The following ASTN2 variants were observed in gnomAD, a reference collection of about 807,000 sequenced individuals.
ASTN2 encodes the protein astrotactin-2.
In ASTN2, 54 loss-of-function variants were observed where a neutral mutation model predicts 139.8. The ratio of observed to expected loss-of-function variants is 0.39; its 90% CI spans 0.31 to 0.48. The LOEUF is 0.48. ASTN2 is among the 20% of genes least tolerant of loss of function. The probability of loss-of-function intolerance (pLI) is 0.95; values close to 1 mark genes in which losing one functional copy is unlikely to be tolerated. For missense variants in ASTN2, 1,565 were observed against 1,725.1 expected, an observed-to-expected ratio of 0.91 and a Z score of 1.64; for synonymous variants, 756 against 719.5, an observed-to-expected ratio of 1.05 and a Z score of -0.81.
At chr9:116,494,234 CTA>C (rs1414463794) in intron 19 of ASTN2, among the ~76,000 whole-genome samples, 1 of 152,010 alleles carries the variant, frequency 6.6e-6, no homozygotes, top group Non-Finnish European at 1.5e-5. Flanking sequence ...CACTTATGAA[CTA>C]TATTATGTAG....
intron 10 of ASTN2, among the ~76,000 whole-genome samples, chr9:116,869,732 A>G (rs565718626): frequency 3.3e-5 from 5 of 152,280 alleles, no homozygotes; most frequent in Non-Finnish European, 2.9e-5. Flanking sequence ...CTCTGTCCCA[A>G]TCACTCAACT....
chr9:117,170,951 C>T (rs896693876), intron 3 of ASTN2, among the ~76,000 whole-genome samples: 3 of 152,074 alleles, frequency 2.0e-5, no homozygotes, highest in Admixed American at 6.5e-5. Context: ...TGTTCTGCCC[C>T]TTCTTTATGT....
chr9:116,799,719 A>C, intron 13 of ASTN2, among the ~76,000 whole-genome samples: 1 of 144,062 alleles, frequency 6.9e-6, no homozygotes, highest in South Asian at 2.2e-4. Context: ...GGGGGGGGAG[A>C]ATAAAAAACA....
chr9:116,522,055 A>G (rs1412088062), intron 19 of ASTN2, among the ~76,000 whole-genome samples: 1 of 152,212 alleles, frequency 6.6e-6, no homozygotes, highest in African/African-American at 2.4e-5. Flanking sequence ...ACACTTTTAC[A>G]TTGTTGGTGG....
At chr9:116,803,500 A>ATC (rs1830930453) in intron 13 of ASTN2, among the ~76,000 whole-genome samples, 1 of 14,262 alleles carries the variant, frequency 7.0e-5, no homozygotes, top group Non-Finnish European at 1.4e-4. Context: ...ATATATATAT[A>ATC]TATATATATA....
chr9:116,540,323 T>C (rs911102759), intron 19 of ASTN2: 6 of 152,158 alleles, frequency 3.9e-5, no homozygotes, highest in African/African-American at 7.2e-5. Flanking sequence ...ATCATACCCA[T>C]CTAAATTTAT....
chr9:116,470,359 T>C (rs1053020472), intron 20 of ASTN2, among the ~76,000 whole-genome samples: 2 of 152,178 alleles, frequency 1.3e-5, no homozygotes, highest in African/African-American at 4.8e-5. Context: ...TAAATGCTAA[T>C]GTGACTTCTG....
intron 16 of ASTN2, among the ~76,000 whole-genome samples, chr9:116,691,781 G>A (rs1287050776): frequency 6.6e-6 from 1 of 152,202 alleles, no homozygotes; most frequent in Non-Finnish European, 1.5e-5. Context: ...TCCTGCTAAC[G>A]AGTGGCCTTT....
intron 1 of ASTN2, among the ~76,000 whole-genome samples, chr9:117,306,591 C>T (rs185618489): frequency 5.5e-4 from 84 of 152,264 alleles, no homozygotes; most frequent in African/African-American, 1.9e-3. Flanking sequence ...CTAAAGAATG[C>T]TGTTAGTAAA....
chr9:116,986,669 A>G (rs1210209189), intron 7 of ASTN2, among the ~76,000 whole-genome samples: 1 of 152,208 alleles, frequency 6.6e-6, no homozygotes, highest in Non-Finnish European at 1.5e-5. Flanking sequence ...GGGCTCTATT[A>G]CTAACCCCAT....
At chr9:117,375,976 T>C (rs1466305401) in intron 1 of ASTN2, among the ~76,000 whole-genome samples, 2 of 152,144 alleles carry the variant, frequency 1.3e-5, no homozygotes, top group South Asian at 2.1e-4. Context: ...CCTCGATGAG[T>C]CTAATGCCAC....
intron 6 of ASTN2, among the ~76,000 whole-genome samples, chr9:117,019,636 G>C (rs1304296676): frequency 6.6e-6 from 1 of 152,058 alleles, no homozygotes; most frequent in Non-Finnish European, 1.5e-5. Context: ...GGATCAAATA[G>C]GACCCAGGGT....
At chr9:117,135,068 C>A (rs886268202) in intron 4 of ASTN2, among the ~76,000 whole-genome samples, 4 of 152,222 alleles carry the variant, frequency 2.6e-5, no homozygotes, top group Admixed American at 2.6e-4. Flanking sequence ...ACTGATGACA[C>A]AGAAACACTG....
In ASTN2 at chr9:117,414,882, C is replaced by G; in HGVS notation, c.57G>C (p.Arg19=). ...SPGPGSGLRG[R]PRLCFHPGPP... ...GCCCCGGGTGGAAGCAGAGCCTCGG[C>G]CGCCCCCGGAGCCCCGAGCCGGGGC... Residue 19 remains arginine (R), a synonymous_variant, in exon 1 of 23, where the codon CGG becomes CGC. Transcript: ENST00000313400. The surrounding 1 kb of genome is among the most constrained non-coding windows in gnomAD (Gnocchi z 4.2). 2 of 909,652 alleles carry G rather than the reference C, an allele frequency of 2.2e-6. No individual in the cohort carries two copies. Among genetic ancestry groups the G allele is most frequent in the Non-Finnish European group, 2.8e-6 (2 of 724,774 alleles). 56.3% of individuals were successfully genotyped at this position (909,652 alleles called of 1,614,324 possible).
chr9:116,616,813 C>T (rs1280903575), intron 19 of ASTN2, among the ~76,000 whole-genome samples: 1 of 151,538 alleles, frequency 6.6e-6, no homozygotes, highest in Non-Finnish European at 1.5e-5. Context: ...ACAAAATACA[C>T]ACCCACCCAT....
intron 1 of ASTN2, among the ~76,000 whole-genome samples, chr9:117,380,273 A>G (rs1385987461): frequency 1.3e-5 from 2 of 152,174 alleles, no homozygotes; most frequent in Non-Finnish European, 2.9e-5. Context: ...ACAAAGCATG[A>G]TAAGTTTTCT....
chr9:116,822,902 G>A (rs947878489), intron 11 of ASTN2, among the ~76,000 whole-genome samples: 2 of 152,152 alleles, frequency 1.3e-5, no homozygotes, highest in Non-Finnish European at 2.9e-5. Flanking sequence ...CCAGATTGGC[G>A]TAAATGCCAT....
intron 5 of ASTN2, among the ~76,000 whole-genome samples, chr9:117,052,404 T>C (rs1838937398): frequency 7.4e-6 from 1 of 135,160 alleles, no homozygotes; most frequent in Non-Finnish European, 1.5e-5. Context: ...ACCACTGCAC[T>C]CCAGCCTGGG....
chr9:116,705,471 C>T (rs1229328353), intron 16 of ASTN2, among the ~76,000 whole-genome samples: 1 of 152,030 alleles, frequency 6.6e-6, no homozygotes, highest in Non-Finnish European at 1.5e-5. Context: ...GCATGTTTTC[C>T]CTATACAGAT....
Sources: allele counts gnomAD v4.1 joint callset (sites outside exome capture counted in the v4.1 genomes callset), GRCh38; gene constraint gnomAD v4.1.1; non-coding constraint Gnocchi (gnomAD v3.1); transcripts MANE v1.5; gene names NCBI Gene and HGNC (gene_info 2026-07-23, HGNC 2026-07-21).